CELF4: variants seen among roughly 807,000 people sequenced by gnomAD.
The protein encoded by CELF4 is CUG-BP- and ETR-3-like factor 4.
CELF4 carries 18 observed loss-of-function variants against 59.9 expected under a neutral mutation model. The observed-to-expected ratio is 0.30, with a 90% confidence interval of 0.21 to 0.45. CELF4 has a LOEUF of 0.45. Ranked by LOEUF, CELF4 falls within the 20% of genes least tolerant of loss-of-function variation. The pLI, the probability that CELF4 is intolerant of heterozygous loss-of-function variation, is 1.00. For missense variants in CELF4, 456 were observed against 689.0 expected (o/e 0.66, Z 3.79); for synonymous variants, 261 against 267.1 (o/e 0.98, Z 0.22).
At chr18:37,379,005 CCTGT>C (rs1173383415) in intron 2 of CELF4, among the ~76,000 whole-genome samples, 7 of 152,190 alleles carry the variant, frequency 4.6e-5, no homozygotes, top group Non-Finnish European at 1.0e-4. Flanking sequence ...CCCTGGTCTT[CCTGT>C]CTGTGTCTGA....
chr18:37,317,528 G>T (rs1202900631), intron 3 of CELF4, among the ~76,000 whole-genome samples: 1 of 152,206 alleles, frequency 6.6e-6, no homozygotes, highest in Non-Finnish European at 1.5e-5. Flanking sequence ...GTGTGCCTCA[G>T]CTGGAGCTCA....
At chr18:37,540,917 G>T (rs1313764619) in intron 1 of CELF4, among the ~76,000 whole-genome samples, 1 of 151,376 alleles carries the variant, frequency 6.6e-6, no homozygotes, top group Non-Finnish European at 1.5e-5. Flanking sequence ...GTCAGTGTGG[G>T]TGAGCACCTG....
chr18:37,298,072 G>A (rs1192502888), intron 3 of CELF4, among the ~76,000 whole-genome samples: 6 of 152,244 alleles, frequency 3.9e-5, no homozygotes, highest in African/African-American at 7.2e-5. Context: ...TCAGCTCCAC[G>A]AATGGGCTAA....
At position 37,425,834 on chromosome 18, in the gene CELF4, C is replaced by A. The variant is rs138705714; in HGVS notation, c.369+59691G>T. 7.0e-3 allele frequency among the ~76,000 whole-genome samples: 1,071 copies of A among 152,364 alleles called. 17 individuals are homozygous for A. Among genetic ancestry groups the A allele is most frequent in the African/African-American group, 0.025 (1,023 of 41,590 alleles). On this transcript the variant is annotated intron_variant, in intron 2 of 12. Transcript: ENST00000420428. ...CCTTGGAAGATGGACATGTTACCAT[C>A]AAGGCCTGCCTGATTAGGGGACCTT...
At chr18:37,331,508 T>C (rs1259646421) in intron 2 of CELF4, among the ~76,000 whole-genome samples, 1 of 152,080 alleles carries the variant, frequency 6.6e-6, no homozygotes, top group Non-Finnish European at 1.5e-5. Flanking sequence ...CAGGCTGGAC[T>C]TGGACATGCT....
intron 3 of CELF4, among the ~76,000 whole-genome samples, chr18:37,300,645 AAG>A (rs2095962608): frequency 6.6e-6 from 1 of 152,228 alleles, no homozygotes; most frequent in Non-Finnish European, 1.5e-5. Context: ...GAGAGGAACA[AAG>A]AGTCCCTGTC....
At chr18:37,353,842 C>T (rs2098513179) in intron 2 of CELF4, among the ~76,000 whole-genome samples, 1 of 150,470 alleles carries the variant, frequency 6.6e-6, no homozygotes, top group Non-Finnish European at 1.5e-5. Context: ...CTGCCAGCTC[C>T]ACCTCCTGGG....
At chr18:37,407,559 GTA>G (rs1167797575) in intron 2 of CELF4, among the ~76,000 whole-genome samples, 2 of 150,470 alleles carry the variant, frequency 1.3e-5, no homozygotes, top group Admixed American at 6.7e-5. Flanking sequence ...ATGTATATGT[GTA>G]TATATATGTG....
intron 2 of CELF4, among the ~76,000 whole-genome samples, chr18:37,385,406 C>G (rs2099088933): frequency 6.6e-6 from 1 of 151,340 alleles, no homozygotes; most frequent in Non-Finnish European, 1.5e-5. Flanking sequence ...GTGATCACCT[C>G]TAACTAGATT....
chr18:37,362,018 C>T (rs1230591079), intron 2 of CELF4, among the ~76,000 whole-genome samples: 1 of 152,086 alleles, frequency 6.6e-6, no homozygotes, highest in Non-Finnish European at 1.5e-5. Flanking sequence ...CCCTGTGGTC[C>T]CCTTCACCTG....
At chr18:37,417,178 C>T (rs2099535951) in intron 2 of CELF4, among the ~76,000 whole-genome samples, 1 of 152,190 alleles carries the variant, frequency 6.6e-6, no homozygotes, top group African/African-American at 2.4e-5. Context: ...AGTTTACGGA[C>T]AGGGAGAACT....
At chr18:37,319,963 ACCCCAG>A (rs1203893125) in intron 3 of CELF4, among the ~76,000 whole-genome samples, 3 of 152,162 alleles carry the variant, frequency 2.0e-5, no homozygotes, top group African/African-American at 7.2e-5. Context: ...CATGCTGGAC[ACCCCAG>A]CCCTGGCGGG....
At chr18:37,484,612 G>A (rs1357596616) in intron 2 of CELF4, among the ~76,000 whole-genome samples, 1 of 152,218 alleles carries the variant, frequency 6.6e-6, no homozygotes, top group Non-Finnish European at 1.5e-5. Context: ...CGATGCAAAG[G>A]AAGGCTGCCC....
intron 1 of CELF4, among the ~76,000 whole-genome samples, chr18:37,543,475 T>C (rs1423014747): frequency 6.6e-6 from 1 of 152,108 alleles, no homozygotes; most frequent in Non-Finnish European, 1.5e-5. Flanking sequence ...GCTTTTTTTG[T>C]GTGTTACCTC....
At chr18:37,553,087 C>T (rs1006951102) in intron 1 of CELF4, among the ~76,000 whole-genome samples, 8 of 152,200 alleles carry the variant, frequency 5.3e-5, no homozygotes, top group African/African-American at 1.9e-4. Context: ...ACTTGCCCAA[C>T]AGAATGGCAA....
At chr18:37,288,047 T>A (rs1435243175) in intron 3 of CELF4, among the ~76,000 whole-genome samples, 1 of 152,148 alleles carries the variant, frequency 6.6e-6, no homozygotes, top group Non-Finnish European at 1.5e-5. Flanking sequence ...CAAGGAATGC[T>A]CTTCTGTTCA....
intron 2 of CELF4, among the ~76,000 whole-genome samples, chr18:37,468,988 G>A (rs977146336): frequency 2.0e-5 from 3 of 152,138 alleles, no homozygotes; most frequent in Non-Finnish European, 4.4e-5. Context: ...ACCTGTCCTG[G>A]CCACCTTCTC....
intron 12 of CELF4, among the ~76,000 whole-genome samples, chr18:37,247,743 C>T (rs1337296507): frequency 1.3e-5 from 2 of 152,038 alleles, no homozygotes; most frequent in African/African-American, 4.8e-5. Context: ...CCACTAAGGG[C>T]ATCCATCATG....
chr18:37,534,180 T>C (rs2099971670), intron 1 of CELF4, among the ~76,000 whole-genome samples: 2 of 152,192 alleles, frequency 1.3e-5, no homozygotes, highest in African/African-American at 4.8e-5. Flanking sequence ...ACCTCAGAGA[T>C]GATGTATCTA....
Sources: gnomAD v4.1 joint callset for allele counts (sites outside exome capture counted in the v4.1 genomes callset) on GRCh38, gnomAD v4.1.1 for gene constraint, MANE v1.5 for transcripts, NCBI Gene and HGNC (gene_info 2026-07-23, HGNC 2026-07-21) for gene names.